Variants in NEB observed in about 807,000 individuals in gnomAD.
NEB encodes the protein nebulin, also known as nemaline myopathy type 2.
In NEB, 512 loss-of-function variants were observed where a neutral mutation model predicts 952.2. The ratio of observed to expected loss-of-function variants is 0.54; its 90% CI spans 0.50 to 0.58. NEB has a LOEUF of 0.58. Ranked by LOEUF, NEB falls within the 20% of genes least tolerant of loss-of-function variation. NEB has a pLI of 0.00. For missense variants in NEB, 8,428 were observed against 9,231.1 expected (o/e 0.91, Z 3.56); for synonymous variants, 2,900 against 3,149.8 (o/e 0.92, Z 2.66).
chr2:151,675,318 T>G lies in NEB; in HGVS notation c.3848A>C (p.Gln1283Pro), dbSNP rs1161835539. The change falls in exon 35 of 182, where the codon CAG (glutamine) becomes CCG (proline). Residue 1283 changes from glutamine to proline, a missense_variant. Physicochemically the swap from Gln to Pro is moderately conservative, Grantham distance 76. This residue lies in a region of NEB where 2,851 missense variants were observed against 2,791.5 expected (regional missense o/e 1.02). Transcript: ENST00000397345. Reference protein sequence around the residue: ...TMSPDLPQFLQAKCNAYNISD... With the variant: ...TMSPDLPQFLPAKCNAYNISD... The stretch of plus-strand genomic sequence containing the variant: ...TATATTGTAAGCATTGCACTTGGCC[T>G]GGAGAAACTGAGGAAGATCAGGACT... The G allele has an allele frequency of 6.3e-7, 1 of 1,594,930 alleles. No homozygotes were observed. Among genetic ancestry groups the G allele is most frequent in the South Asian group, 1.1e-5 (1 of 87,808 alleles).
chr2:151,535,630 A>T, intron 142 of NEB, 61 bp downstream of exon 142: 1 of 1,079,224 alleles, frequency 9.3e-7, no homozygotes, highest in Non-Finnish European at 1.3e-6. Flanking sequence ...AATTTAAAAA[A>T]ACTCTGAGAC....
intron 157 of NEB, among the ~76,000 whole-genome samples, chr2:151,515,152 C>A (rs1286313475): frequency 6.6e-6 from 1 of 152,200 alleles, no homozygotes; most frequent in African/African-American, 2.4e-5. Context: ...ATGGGCCCCT[C>A]ACTCATCAGT....
chr2:151,648,728 G>C (rs1219548817), intron 54 of NEB, among the ~76,000 whole-genome samples: 1 of 152,192 alleles, frequency 6.6e-6, no homozygotes, highest in Non-Finnish European at 1.5e-5. Context: ...AATATTTCTA[G>C]ATGTTGCTAA....
intron 133 of NEB, among the ~76,000 whole-genome samples, chr2:151,547,043 G>GA (rs1052124399): frequency 2.0e-5 from 3 of 152,102 alleles, no homozygotes; most frequent in Admixed American, 6.5e-5. Flanking sequence ...CAAGGAGAAT[G>GA]AAAAAAATGG....
rs576341516 is a variant in NEB, at chr2:151,656,742, A to G, written c.6184-278T>C. Among the ~76,000 whole-genome samples the G allele has an allele frequency of 3.9e-5, 6 of 152,100 alleles. No homozygotes were observed. The East Asian group carries it at 1.2e-3, about 29-fold the overall frequency. ...GCTGAGCAACCTGCTGAGGCCACTG[A>G]GGATTAGAACCCAGATTTTGTGATG... On this transcript the variant is annotated intron_variant, in intron 48 of 181. Coordinates refer to ENST00000397345, the MANE Select transcript of NEB (RefSeq NM_001164508.2).
At chr2:151,488,910 A>C (rs996603962) in intron 181 of NEB, among the ~76,000 whole-genome samples, 10 of 152,134 alleles carry the variant, frequency 6.6e-5, no homozygotes. Flanking sequence ...TTTTGTATCT[A>C]TTGCCATGCT....
At chr2:151,501,783 A>G (rs1172372477) in intron 167 of NEB, among the ~76,000 whole-genome samples, 1 of 152,122 alleles carries the variant, frequency 6.6e-6, no homozygotes, top group Non-Finnish European at 1.5e-5. Flanking sequence ...ACTAATTGAA[A>G]TTAATATCCA....
chr2:151,705,341 C>G (rs992093781), intron 13 of NEB, among the ~76,000 whole-genome samples: 1 of 152,086 alleles, frequency 6.6e-6, no homozygotes, highest in Non-Finnish European at 1.5e-5. Flanking sequence ...GTAAATGATG[C>G]TATTCATGTT....
At chr2:151,503,894 C>G (rs1428611572) in intron 165 of NEB, among the ~76,000 whole-genome samples, 1 of 152,080 alleles carries the variant, frequency 6.6e-6, no homozygotes, top group African/African-American at 2.4e-5. Flanking sequence ...AATGAATGTT[C>G]CTCGCTGGCT....
In NEB at chr2:151,524,351, T is replaced by G. The variant is rs886054928; in HGVS notation, c.22439A>C (p.Asp7480Ala). The G allele has an allele frequency of 1.1e-5, 18 of 1,613,818 alleles. No homozygotes were observed. Among genetic ancestry groups the G allele is most frequent in the Non-Finnish European group, 1.5e-5 (18 of 1,179,882 alleles). ...GGCTGCCTTCTTGGCCATTTCTATG[T>G]CTGGGCGACCGAGCATGCTTAAGCC... ...SHGLSMLGRPDIEMAKKAAKL... is the reference protein window; with the variant it reads ...SHGLSMLGRPAIEMAKKAAKL... Residue 7480 changes from aspartate to alanine, a missense_variant, in exon 153 of 182, where the codon GAC becomes GCC. Physicochemically the swap from Asp to Ala is moderately radical, Grantham distance 126. Coordinates refer to ENST00000397345, the MANE Select transcript of NEB (RefSeq NM_001164508.2).
rs1209799302 is a variant in NEB at position 151,609,821 on chromosome 2, G to A, written c.12318C>T (p.Asp4106=). Residue 4106 remains aspartate, a synonymous_variant, in exon 81 of 182, where the codon GAC becomes GAT. Coordinates refer to ENST00000397345, the MANE Select transcript of NEB (RefSeq NM_001164508.2). ...TCATGTTACGTACATCACTCTGCAG[G>A]TCATAGGCCTTTTTTGCTTGGATAA... ...NDIIQAKKAY[D]LQSDSVYKAD... 3.1e-6 allele frequency: 5 copies of A among 1,589,132 alleles called. No homozygotes were observed. Among genetic ancestry groups the A allele is most frequent in the Non-Finnish European group, 4.3e-6 (5 of 1,166,992 alleles).
Position 151,524,654 on chromosome 2 carries a change from C to CTTTTTTTT in NEB, c.22273-46_22273-39dup, listed in dbSNP as rs5835371. On this transcript the variant is annotated intron_variant, in intron 151 of 181. Transcript: ENST00000397345. ...AGAAAATGTTTACTCAAGAGAGAGGCTTTTTTTTTTTTTTTTTTTTTTTTT... is the reference window on the plus strand; with the variant it reads ...AGAAAATGTTTACTCAAGAGAGAGGCTTTTTTTTTTTTTTTTTTTTTTTTTTTTTTTTT... 1.9e-4 allele frequency: 49 copies of CTTTTTTTT among 257,384 alleles called. 4 individuals are homozygous for CTTTTTTTT. Among genetic ancestry groups the CTTTTTTTT allele is most frequent in the African/African-American group, 6.1e-4 (8 of 13,092 alleles). The allele number at this position is 257,384 out of a possible 1,614,324, so 15.9% of individuals were successfully genotyped here. A position where few individuals can be genotyped will look rare whatever the true frequency, so the allele number is the denominator to read the frequency against.
intron 48 of NEB, 72 bp from the exon 49 acceptor site, chr2:151,656,536 A>G (rs902127921): frequency 2.3e-6 from 2 of 866,026 alleles, no homozygotes; most frequent in Non-Finnish European, 3.2e-6. Context: ...TCAATATGCT[A>G]TATTATTTTT....
intron 5 of NEB, 105 bp downstream of exon 5, chr2:151,727,586 T>C: frequency 8.6e-7 from 1 of 1,160,406 alleles, no homozygotes; most frequent in Non-Finnish European, 1.2e-6. Flanking sequence ...TTTTGTTTCA[T>C]ACAGGTTTGA....
In NEB at chr2:151,656,437, C is replaced by A; in HGVS notation, c.6211G>T (p.Gly2071Trp). 2 of 1,612,144 alleles carry A rather than the reference C, an allele frequency of 1.2e-6. No individual in the cohort carries two copies. The highest frequency in any genetic ancestry group is 1.7e-6 in the Non-Finnish European group (2 of 1,178,784). ...CGGAAACCAACCATTTTCCCCTTCC[C>A]TTTTTCATAATTGTACTTGTATTTA... The part of the protein sequence containing the change: ...DYKYKYNYEK[G>W]KGKMVGFRSL... Residue 2071 changes from glycine (G) to tryptophan (W), a missense_variant, in exon 49 of 182, where the codon GGG becomes TGG. This residue lies in a region of NEB where 2,851 missense variants were observed against 2,791.5 expected (regional missense o/e 1.02). Transcript: ENST00000397345.
intron 54 of NEB, among the ~76,000 whole-genome samples, chr2:151,649,502 C>T (rs2099005488): frequency 1.3e-5 from 2 of 152,108 alleles, no homozygotes; most frequent in African/African-American, 2.4e-5. Flanking sequence ...ATCTTCTTAC[C>T]AATTACAGAT....
At chr2:151,639,230 A>G in intron 63 of NEB, 50 bp downstream of exon 63, 1 of 1,369,948 alleles carries the variant, frequency 7.3e-7, no homozygotes, top group Non-Finnish European at 1.0e-6. Flanking sequence ...CATAGAGTAG[A>G]TCAACTGAAA....
chr2:151,502,872 T>C lies in NEB; in HGVS notation c.23849A>G (p.Glu7950Gly). ...TGTTGGGATTCCTTTCCCCAAATTT[T>C]CTTTGTACAAAACCTGTGAGATACA... ...QENFSSVLYK[E>G]NLGKGIPTPI... Residue 7950 changes from glutamate to glycine, a missense_variant, in exon 167 of 182, where the codon GAA (glutamate) becomes GGA (glycine). This residue lies in a region of NEB where 3,374 missense variants were observed against 3,651.5 expected (regional missense o/e 0.92). Transcript: ENST00000397345. 2 of 1,599,232 alleles carry C rather than the reference T, an allele frequency of 1.3e-6. No homozygotes were observed. The highest frequency in any genetic ancestry group is 1.7e-6 in the Non-Finnish European group (2 of 1,170,510).
intron 135 of NEB, among the ~76,000 whole-genome samples, chr2:151,544,070 A>G (rs968879542): frequency 2.6e-4 from 40 of 152,268 alleles, no homozygotes; most frequent in African/African-American, 9.1e-4. Context: ...CAACCCTTCT[A>G]AATTCAGGGG....
Sources: allele counts gnomAD v4.1 joint callset (sites outside exome capture counted in the v4.1 genomes callset), GRCh38; gene constraint gnomAD v4.1.1; regional missense constraint gnomAD v4.1.1; transcripts MANE v1.5; gene names NCBI Gene and HGNC (gene_info 2026-07-23, HGNC 2026-07-21).